The following LRRC4C variants were observed in gnomAD, a reference collection of about 807,000 sequenced individuals.
LRRC4C encodes the protein leucine-rich repeat-containing protein 4C.
A neutral mutation model predicts 33.6 loss-of-function variants in LRRC4C; 5 were observed. The observed-to-expected ratio is 0.15, with a 90% CI of 0.08 to 0.31. The LOEUF is 0.31. LRRC4C is among the 10% of genes least tolerant of loss of function. The pLI, the probability that LRRC4C is intolerant of heterozygous loss-of-function variation, is 1.00. For synonymous variants in LRRC4C, 329 were observed against 302.0 expected, an observed-to-expected ratio of 1.09 and a Z score of -0.93; for missense variants, 560 against 796.7, an observed-to-expected ratio of 0.70 and a Z score of 3.58.
intron 2 of LRRC4C, among the ~76,000 whole-genome samples, chr11:40,683,905 G>T (rs1944828871): frequency 6.6e-6 from 1 of 152,148 alleles, no homozygotes; most frequent in South Asian, 2.1e-4. Context: ...TGCACACTGA[G>T]TTTAAATGCA....
chr11:40,314,678 A>C (rs1300483308), intron 4 of LRRC4C, among the ~76,000 whole-genome samples: 2 of 152,164 alleles, frequency 1.3e-5, no homozygotes, highest in East Asian at 1.9e-4. Flanking sequence ...ATGGATAATG[A>C]AAATATGGTA....
At chr11:40,780,205 A>T (rs1345661075) in intron 2 of LRRC4C, among the ~76,000 whole-genome samples, 1 of 152,304 alleles carries the variant, frequency 6.6e-6, no homozygotes, top group East Asian at 1.9e-4. Context: ...GCATAAAAAA[A>T]TTCTTTTTAA....
intron 3 of LRRC4C, among the ~76,000 whole-genome samples, chr11:40,535,516 A>G (rs1591032260): frequency 6.6e-6 from 1 of 152,218 alleles, no homozygotes; most frequent in Non-Finnish European, 1.5e-5. Context: ...TACAAGTGCA[A>G]TGTAACTTTT....
chr11:41,388,302 C>A (rs905930540), intron 1 of LRRC4C, among the ~76,000 whole-genome samples: 3 of 151,712 alleles, frequency 2.0e-5, no homozygotes, highest in Non-Finnish European at 4.4e-5. Flanking sequence ...AGTAAAGATG[C>A]GTTTTTGAAG....
At chr11:41,334,569 A>G (rs1951392653) in intron 1 of LRRC4C, among the ~76,000 whole-genome samples, 1 of 152,132 alleles carries the variant, frequency 6.6e-6, no homozygotes, top group African/African-American at 2.4e-5. Flanking sequence ...ATGGTGGCTC[A>G]TGCTTGTCAT....
At chr11:40,244,876 T>C (rs138425449) in intron 4 of LRRC4C, among the ~76,000 whole-genome samples, 60 of 152,308 alleles carry the variant, frequency 3.9e-4, no homozygotes, top group Middle Eastern at 3.4e-3. Flanking sequence ...TTACCACTTA[T>C]ATTGTACTAA....
intron 1 of LRRC4C, among the ~76,000 whole-genome samples, chr11:41,242,677 CT>C (rs1432053587): frequency 6.6e-6 from 1 of 152,038 alleles, no homozygotes; most frequent in African/African-American, 2.4e-5. Flanking sequence ...TCTGTCTCCC[CT>C]ATTGATATTT....
In LRRC4C at chr11:40,390,234, C is replaced by T. The variant is rs548369711; in HGVS notation, c.-269-70513G>A. ...ATTAATTTAGACATCACACTTCTGT[C>T]GGTGTTTAGCTGTACGAGACAGTTA... On this transcript the variant is annotated intron_variant, in intron 3 of 6. Transcript: ENST00000528697. Among the ~76,000 whole-genome samples the T allele has an allele frequency of 3.3e-5, 5 of 152,192 alleles. No homozygotes were observed. The South Asian group carries it at 8.3e-4, about 25-fold the overall frequency.
At chr11:40,427,714 C>A (rs944466572) in intron 3 of LRRC4C, among the ~76,000 whole-genome samples, 3 of 151,980 alleles carry the variant, frequency 2.0e-5, no homozygotes, top group African/African-American at 7.3e-5. Flanking sequence ...CCTGTAGTCC[C>A]AGCTATTTGG....
intron 1 of LRRC4C, among the ~76,000 whole-genome samples, chr11:41,185,630 C>A (rs1316424956): frequency 6.6e-6 from 1 of 152,086 alleles, no homozygotes; most frequent in Admixed American, 6.6e-5. Flanking sequence ...GGTAGGAAGG[C>A]CACTGTAAAG....
In LRRC4C at chr11:40,396,563, A is replaced by C. The variant is rs527652513; in HGVS notation, c.-269-76842T>G. ...GAATTAGGAGAAAATTACAAAGATA[A>C]AAGTAAAATTGATGCCAAAATATTA... is the stretch of plus-strand genomic sequence containing the variant. On this transcript the variant is annotated intron_variant, in intron 3 of 6. Transcript: ENST00000528697. 5.3e-4 allele frequency among the ~76,000 whole-genome samples: 81 copies of C among 152,246 alleles called. 1 individual carries two copies. The highest frequency in any genetic ancestry group is 4.1e-4 in the South Asian group (2 of 4,824).
intron 1 of LRRC4C, among the ~76,000 whole-genome samples, chr11:40,980,066 C>G (rs560567962): frequency 5.3e-5 from 8 of 152,276 alleles, no homozygotes; most frequent in African/African-American, 1.7e-4. Flanking sequence ...TGTCCTGTAG[C>G]TTTCCCAGAC....
chr11:41,026,199 T>A (rs1728673438), intron 1 of LRRC4C, among the ~76,000 whole-genome samples: 1 of 151,726 alleles, frequency 6.6e-6, no homozygotes, highest in Admixed American at 6.6e-5. Context: ...AAGGATTTAC[T>A]ATTCTAGATG....
chr11:41,236,925 T>C (rs1948049823), intron 1 of LRRC4C, among the ~76,000 whole-genome samples: 1 of 152,222 alleles, frequency 6.6e-6, no homozygotes, highest in African/African-American at 2.4e-5. Context: ...TTAGCATTGT[T>C]GTAAAGTGCC....
intron 2 of LRRC4C, among the ~76,000 whole-genome samples, chr11:40,829,356 GA>G (rs1952306445): frequency 1.3e-5 from 2 of 151,972 alleles, no homozygotes; most frequent in Admixed American, 1.3e-4. Flanking sequence ...TTTATAGATG[GA>G]AAGGTTTGCA....
intron 5 of LRRC4C, among the ~76,000 whole-genome samples, chr11:40,143,197 A>G (rs774667186): frequency 6.6e-5 from 10 of 151,996 alleles, no homozygotes; most frequent in Non-Finnish European, 1.5e-4. Context: ...GTCTTGGTCC[A>G]ATTTCTATCT....
At chr11:40,807,229 A>G (rs1320003309) in intron 2 of LRRC4C, among the ~76,000 whole-genome samples, 1 of 152,188 alleles carries the variant, frequency 6.6e-6, no homozygotes, top group East Asian at 1.9e-4. Flanking sequence ...TTGGTCAGAG[A>G]TACATTTCAA....
intron 3 of LRRC4C, among the ~76,000 whole-genome samples, chr11:40,519,355 C>T (rs1450683156): frequency 1.3e-5 from 2 of 152,024 alleles, no homozygotes; most frequent in Non-Finnish European, 2.9e-5. Context: ...TAACATATGA[C>T]CCCCAGATAT....
intron 1 of LRRC4C, among the ~76,000 whole-genome samples, chr11:41,333,925 T>C (rs1190973085): frequency 6.6e-6 from 1 of 152,138 alleles, no homozygotes; most frequent in Non-Finnish European, 1.5e-5. Flanking sequence ...ATTTGAGTTC[T>C]CCCCCAACCC....
Sources: allele counts gnomAD v4.1 joint callset (sites outside exome capture counted in the v4.1 genomes callset), GRCh38; gene constraint gnomAD v4.1.1; transcripts MANE v1.5; gene names NCBI Gene and HGNC (gene_info 2026-07-23, HGNC 2026-07-21).